The following NME8 variants were observed in gnomAD, a reference collection of about 807,000 sequenced individuals.
NME8 encodes NME/NM23 family member 8.
A neutral mutation model predicts 82.3 loss-of-function variants in NME8; 72 were observed. That is an observed-to-expected ratio of 0.87 (90% CI 0.72 to 1.06). NME8 has a LOEUF of 1.06. Among genes scored for constraint, NME8 ranks in the 50% least tolerant of loss-of-function variants. The pLI is 0.00. For synonymous variants in NME8, 267 were observed against 228.5 expected, an observed-to-expected ratio of 1.17 and a Z score of -1.52; for missense variants, 712 against 685.4, an observed-to-expected ratio of 1.04 and a Z score of -0.43.
intron 6 of NME8, among the ~76,000 whole-genome samples, chr7:37,861,218 G>T (rs1436468625): frequency 1.3e-5 from 2 of 152,180 alleles, no homozygotes; most frequent in Admixed American, 1.3e-4. Flanking sequence ...GCTGCGCACA[G>T]TTTGGCTTCT....
chr7:37,861,237 C>T (rs186095709), intron 6 of NME8, among the ~76,000 whole-genome samples: 1 of 152,326 alleles, frequency 6.6e-6, no homozygotes, highest in Admixed American at 6.5e-5. Context: ...CTCCTGGTTG[C>T]TGGGCTTCAA....
At position 37,867,773 on chromosome 7, in the gene NME8, T is replaced by C. The variant is rs1233110591; in HGVS notation, c.693T>C (p.Ser231=). Residue 231 remains serine (S), a synonymous_variant, in exon 11 of 18, where the codon AGT becomes AGC. Transcript: ENST00000199447. ...LSYILVVSQG[S]KHNPPSEETE... is the part of the protein sequence containing the mutation. Reference sequence around the variant, plus strand: ...ATATTCTAGTTGTATCTCAAGGAAGTAAACACAATCCTCCCTCTGAAGAAA... The same window carrying C: ...ATATTCTAGTTGTATCTCAAGGAAGCAAACACAATCCTCCCTCTGAAGAAA... 2.5e-6 allele frequency: 4 copies of C among 1,613,714 alleles called. No individual in the cohort carries two copies. Among genetic ancestry groups the C allele is most frequent in the Non-Finnish European group, 3.4e-6 (4 of 1,179,676 alleles).
At chr7:37,882,690 C>T (rs181776920) in intron 12 of NME8, among the ~76,000 whole-genome samples, 3 of 151,882 alleles carry the variant, frequency 2.0e-5, no homozygotes, top group East Asian at 1.9e-4. Flanking sequence ...ACAAGGTGTT[C>T]GGGGCTTTGA....
At chr7:37,858,391 C>A (rs1442696178) in intron 6 of NME8, among the ~76,000 whole-genome samples, 1 of 152,156 alleles carries the variant, frequency 6.6e-6, no homozygotes, top group African/African-American at 2.4e-5. Flanking sequence ...GTAAAAAATG[C>A]ATTGTAGATC....
chr7:37,862,975 C>T lies in NME8; in HGVS notation c.388-421C>T, dbSNP rs539262680. ...TCTCTACTAAAAATACAAAAATTAG[C>T]CGGGCATGGTGGCAGGTGCCTGTAA... On this transcript the variant is annotated intron_variant, in intron 7 of 17. Transcript: ENST00000199447. Among the ~76,000 whole-genome samples the T allele has an allele frequency of 5.9e-5, 9 of 152,094 alleles. No homozygotes were observed. The South Asian group carries it at 1.9e-3, about 32-fold the overall frequency.
intron 15 of NME8, among the ~76,000 whole-genome samples, chr7:37,889,708 C>G (rs1052169687): frequency 1.3e-5 from 2 of 151,738 alleles, no homozygotes. Flanking sequence ...TTGAAATTAT[C>G]GTGGTGTTGC....
intron 15 of NME8, among the ~76,000 whole-genome samples, chr7:37,890,406 A>G (rs1785111277): frequency 1.3e-5 from 2 of 151,992 alleles, no homozygotes; most frequent in Non-Finnish European, 2.9e-5. Flanking sequence ...GGTATATAGC[A>G]TACCCATTAC....
At chr7:37,898,352 C>T (rs890811200) in intron 17 of NME8, among the ~76,000 whole-genome samples, 5 of 152,094 alleles carry the variant, frequency 3.3e-5, no homozygotes, top group African/African-American at 9.7e-5. Context: ...TTATTTAACC[C>T]ATCAGTTCTA....
Position 37,883,877 on chromosome 7 carries a change from G to A in NME8, c.995-426G>A, listed in dbSNP as rs191031390. On this transcript the variant is annotated intron_variant, in intron 12 of 17. Coordinates refer to ENST00000199447, the MANE Select transcript of NME8 (RefSeq NM_016616.5). ...AATCACCTTGTTTATCCCCAAATGGGACAAATCAAATCATGGTTATTGAAC... is the reference window on the plus strand; with the variant it reads ...AATCACCTTGTTTATCCCCAAATGGAACAAATCAAATCATGGTTATTGAAC... Among the ~76,000 whole-genome samples, 258 of 152,110 alleles carry A rather than the reference G, an allele frequency of 1.7e-3. 1 individual carries two copies. Among genetic ancestry groups the A allele is most frequent in the African/African-American group, 5.9e-3 (244 of 41,480 alleles).
chr7:37,882,296 G>T (rs1359997781), intron 12 of NME8, among the ~76,000 whole-genome samples: 1 of 151,974 alleles, frequency 6.6e-6, no homozygotes, highest in Admixed American at 6.6e-5. Context: ...AGACCAGCTT[G>T]CACAACGTGG....
Position 37,900,319 on chromosome 7 carries a change from A to G in NME8, c.*91A>G, listed in dbSNP as rs1279093408. ...ACAGCTTCCTGGGAGGAATAATAAG[A>G]AAAACATGCTTTGGAGGAAAACTCA... On this transcript the variant is annotated 3_prime_UTR_variant, in exon 18 of 18. Coordinates refer to ENST00000199447, the MANE Select transcript of NME8 (RefSeq NM_016616.5). 1 of 152,244 alleles carries G rather than the reference A, an allele frequency of 6.6e-6. No homozygotes were observed. The highest frequency in any genetic ancestry group is 6.5e-5 in the Admixed American group (1 of 15,282). 9.4% of individuals were successfully genotyped at this position (152,244 alleles called of 1,614,324 possible).
intron 9 of NME8, 26 bp downstream of exon 9, chr7:37,864,447 T>A (rs1272332616): frequency 6.6e-7 from 1 of 1,523,076 alleles, no homozygotes; most frequent in South Asian, 1.2e-5. Flanking sequence ...CAACTATGAT[T>A]AAATTAATTG....
intron 5 of NME8, among the ~76,000 whole-genome samples, chr7:37,851,823 A>T (rs972473556): frequency 5.9e-5 from 9 of 152,192 alleles, no homozygotes; most frequent in Non-Finnish European, 1.2e-4. Flanking sequence ...TGAAATACAT[A>T]GTTCCTAATG....
chr7:37,880,659 T>A (rs1012004504), intron 12 of NME8, among the ~76,000 whole-genome samples: 3 of 152,182 alleles, frequency 2.0e-5, no homozygotes, highest in Non-Finnish European at 4.4e-5. Flanking sequence ...AGTTTGTCAA[T>A]TTCCATATCC....
At chr7:37,883,183 G>A (rs1784990409) in intron 12 of NME8, among the ~76,000 whole-genome samples, 1 of 152,112 alleles carries the variant, frequency 6.6e-6, no homozygotes, top group Non-Finnish European at 1.5e-5. Context: ...TTTATCGTGA[G>A]TCATTTCAAG....
chr7:37,899,689 T>C (rs1458154025), intron 17 of NME8, among the ~76,000 whole-genome samples: 1 of 151,904 alleles, frequency 6.6e-6, no homozygotes, highest in Non-Finnish European at 1.5e-5. Flanking sequence ...AAAATAAAGT[T>C]GAAGAAAAAA....
chr7:37,851,664 C>A (rs992270580), intron 5 of NME8, among the ~76,000 whole-genome samples: 3 of 151,892 alleles, frequency 2.0e-5, no homozygotes, highest in Admixed American at 6.6e-5. Context: ...ATTATTTTCA[C>A]CTTTTTTTGT....
chr7:37,881,944 G>A (rs758359954), intron 12 of NME8, among the ~76,000 whole-genome samples: 4 of 152,182 alleles, frequency 2.6e-5, no homozygotes, highest in African/African-American at 7.2e-5. Context: ...AAATTTGTGA[G>A]CACAAAGTTG....
chr7:37,894,739 A>T, intron 16 of NME8, 129 bp downstream of exon 16: 1 of 955,096 alleles, frequency 1.0e-6, no homozygotes, highest in Non-Finnish European at 1.5e-6. Flanking sequence ...TTCTGCTAAC[A>T]TTCATGGTTC....
Sources: gnomAD v4.1 joint callset for allele counts (sites outside exome capture counted in the v4.1 genomes callset) on GRCh38, gnomAD v4.1.1 for gene constraint, MANE v1.5 for transcripts, NCBI Gene and HGNC (gene_info 2026-07-23, HGNC 2026-07-21) for gene names.